The following ATOSA variants were observed in gnomAD, a reference collection of about 807,000 sequenced individuals.
ATOSA encodes atos homolog A, also known as atos homolog protein A.
the ATOSA span, among the ~76,000 whole-genome samples, chr15:52,635,307 T>A: frequency 1.3e-5 from 2 of 152,150 alleles, no homozygotes; most frequent in Admixed American, 1.3e-4. Context: ...CACTCCACCA[T>A]CAAAAGCAGA....
the ATOSA span, among the ~76,000 whole-genome samples, chr15:52,633,264 G>T: frequency 6.6e-6 from 1 of 152,168 alleles, no homozygotes; most frequent in Non-Finnish European, 1.5e-5. Flanking sequence ...GTGGCTAATT[G>T]ACTTTGAAAA....
At chr15:52,593,323 T>C in the ATOSA span, 1 of 385,968 alleles carries the variant, frequency 2.6e-6, no homozygotes, top group Non-Finnish European at 4.7e-6. Context: ...AATTACAGTG[T>C]CACTAATCAA....
the ATOSA span, chr15:52,649,386 T>C: frequency 6.6e-6 from 1 of 152,086 alleles, no homozygotes; most frequent in East Asian, 1.9e-4. Context: ...CACAGAACAC[T>C]TAGAGAAAAA....
chr15:52,675,148 T>G, the ATOSA span, among the ~76,000 whole-genome samples: 4 of 152,230 alleles, frequency 2.6e-5, no homozygotes, highest in Admixed American at 6.5e-5. Context: ...ATATTATTGC[T>G]TAAAATTAAT....
chr15:52,653,631 T>A, the ATOSA span, among the ~76,000 whole-genome samples: 4 of 152,174 alleles, frequency 2.6e-5, no homozygotes, highest in Non-Finnish European at 4.4e-5. Context: ...AGACCACATA[T>A]AAGATTATTA....
chr15:52,609,832 G>A, the ATOSA span: 5 of 1,613,846 alleles, frequency 3.1e-6, no homozygotes, highest in Non-Finnish European at 4.2e-6. Flanking sequence ...GCCTATTAAA[G>A]GGTTAGTCTC....
chr15:52,650,250 A>C, the ATOSA span, among the ~76,000 whole-genome samples: 1 of 152,166 alleles, frequency 6.6e-6, no homozygotes, highest in South Asian at 2.1e-4. Context: ...CCTTCTACAC[A>C]CAGCTGCTCT....
At chr15:52,702,005 T>G in the ATOSA span, among the ~76,000 whole-genome samples, 367 of 151,768 alleles carry the variant, frequency 2.4e-3, 2 homozygotes, top group African/African-American at 8.5e-3. Flanking sequence ...AACAAACACA[T>G]GAAAAAATGC....
the ATOSA span, among the ~76,000 whole-genome samples, chr15:52,588,360 A>G: frequency 6.6e-6 from 1 of 152,208 alleles, no homozygotes; most frequent in Middle Eastern, 3.2e-3. Flanking sequence ...TTGAATGTGT[A>G]AAAGTTTCTC....
the ATOSA span, chr15:52,678,011 T>A: frequency 6.2e-7 from 1 of 1,614,024 alleles, no homozygotes; most frequent in Non-Finnish European, 8.5e-7. Flanking sequence ...TTTACCTCGG[T>A]CTGGCTTCAT....
chr15:52,593,796 C>T, the ATOSA span: 1 of 1,456,554 alleles, frequency 6.9e-7, no homozygotes, highest in Non-Finnish European at 9.2e-7. Flanking sequence ...CATTTTTTTT[C>T]TATTTAAAGA....
the ATOSA span, among the ~76,000 whole-genome samples, chr15:52,620,714 T>G: frequency 6.6e-6 from 1 of 152,068 alleles, no homozygotes; most frequent in Admixed American, 6.5e-5. Flanking sequence ...ATTGGGAGGC[T>G]GAGGCAGGCT....
At chr15:52,598,605 A>C in the ATOSA span, 1 of 152,236 alleles carries the variant, frequency 6.6e-6, no homozygotes, top group Non-Finnish European at 1.5e-5. Context: ...CATCAAATTC[A>C]TTATAAATAA....
the ATOSA span, among the ~76,000 whole-genome samples, chr15:52,662,318 C>T: frequency 6.6e-6 from 1 of 152,134 alleles, no homozygotes; most frequent in Non-Finnish European, 1.5e-5. Flanking sequence ...GTATGAAAGC[C>T]TCTAATCCCA....
chr15:52,629,658 T>C, the ATOSA span: 1 of 412,124 alleles, frequency 2.4e-6, no homozygotes, highest in African/African-American at 2.1e-5. Flanking sequence ...AAAAATTATC[T>C]GGGCCTGATG....
At chr15:52,694,175 T>A in the ATOSA span, among the ~76,000 whole-genome samples, 68 of 150,194 alleles carry the variant, frequency 4.5e-4, no homozygotes, top group East Asian at 1.6e-3. Context: ...TATATTTTTT[T>A]TTTTTTTTGA....
chr15:52,674,051 A>G, the ATOSA span, among the ~76,000 whole-genome samples: 1 of 152,248 alleles, frequency 6.6e-6, no homozygotes, highest in Admixed American at 6.5e-5. Context: ...GTTTTTAAAT[A>G]TGAATTAAAA....
the ATOSA span, chr15:52,610,197 T>C: frequency 6.2e-7 from 1 of 1,614,018 alleles, no homozygotes; most frequent in Non-Finnish European, 8.5e-7. Flanking sequence ...GTTGTTGAAT[T>C]CTTTTCTCAT....
chr15:52,623,947 T>C, the ATOSA span, among the ~76,000 whole-genome samples: 1 of 152,228 alleles, frequency 6.6e-6, no homozygotes, highest in Non-Finnish European at 1.5e-5. Flanking sequence ...AAGTTTTAAC[T>C]GCTTCTCTTC....
Sources: allele counts gnomAD v4.1 joint callset (sites outside exome capture counted in the v4.1 genomes callset), GRCh38; gene constraint gnomAD v4.1.1; transcripts MANE v1.5; gene names NCBI Gene and HGNC (gene_info 2026-07-23, HGNC 2026-07-21).